Variants in OR1S2 observed in about 807,000 individuals in gnomAD.
OR1S2 encodes olfactory receptor family 1 subfamily S member 2, also known as olfactory receptor 1S2.
A neutral mutation model predicts 1.7 loss-of-function variants in OR1S2; 1 was observed. That is an observed-to-expected ratio of 0.59 (90% CI 0.21 to 2.81). The LOEUF (loss-of-function observed/expected upper bound fraction) is 2.81, where lower values mean the gene tolerates loss of function less well. Among genes scored for constraint, OR1S2 ranks in the 30% most tolerant of loss-of-function variants. OR1S2 has a pLI of 0.22. For synonymous variants in OR1S2, 157 were observed against 145.3 expected (o/e 1.08, Z -0.58); for missense variants, 391 against 371.6 (o/e 1.05, Z -0.43).
At chr11:58,203,204 T>G (rs749208195) in exon 1 of OR1S2, 3 of 1,596,840 alleles carry the variant, frequency 1.9e-6, no homozygotes, top group Middle Eastern at 1.7e-4. Flanking sequence ...GTCCAGGGCA[T>G]CAAAGGGAAG....
chr11:58,203,799 A>C lies in OR1S2; in HGVS notation c.344T>G (p.Leu115Trp), dbSNP rs140011985. 226 of 1,614,156 alleles carry C rather than the reference A, an allele frequency of 1.4e-4. 1 individual carries two copies. In the East Asian group the frequency reaches 1.8e-3, roughly 13 times the overall value. Residue 115 changes from leucine to tryptophan, a missense_variant, in exon 1 of 1, where the codon TTG (leucine) becomes TGG (tryptophan). Physicochemically the swap from Leu to Trp is moderately conservative, Grantham distance 61. Transcript: ENST00000641683. ...AAAGTGGTCGAAGGCCATGGTCCCC[A>C]AAAGCAAATTGTCAGTGACGACAAA... is the stretch of plus-strand genomic sequence containing the variant.
chr11:58,204,023 A>C, exon 1 of OR1S2: 6 of 1,614,062 alleles, frequency 3.7e-6, no homozygotes, highest in Non-Finnish European at 5.1e-6. Context: ...GCCCGTTCCC[A>C]ACCACAGTGA....
exon 1 of OR1S2, chr11:58,204,001 C>T (rs202027921): frequency 6.2e-7 from 1 of 1,613,970 alleles, no homozygotes; most frequent in Non-Finnish European, 8.5e-7. Context: ...AAGCTGATAG[C>T]CACAATGATG....
At chr11:58,203,596 G>A (rs781554088) in exon 1 of OR1S2, 1 of 1,614,148 alleles carries the variant, frequency 6.2e-7, no homozygotes, top group South Asian at 1.1e-5. Flanking sequence ...TTGAGCAGAG[G>A]GGCCAAGTCA....
exon 1 of OR1S2, chr11:58,203,777 G>C (rs1277561254): frequency 6.2e-6 from 10 of 1,613,992 alleles, no homozygotes; most frequent in African/African-American, 1.3e-5. Context: ...TCGCCACAAA[G>C]TGGTCGAAGG....
rs531556444 is a variant in OR1S2 at position 58,203,464 on chromosome 11, C to T, written c.679G>A (p.Gly227Arg). The T allele has an allele frequency of 4.1e-5, 66 of 1,613,404 alleles. No individual in the cohort carries two copies. The African/African-American group carries it at 5.3e-4, about 13-fold the overall frequency. ...CACTTTCCCTGTGTGGATGATACTC[C>T]CAGGACAGCTCTGATGATGCAGACA... is the stretch of plus-strand genomic sequence containing the variant. The change falls in exon 1 of 1, where the codon GGA becomes AGA. Residue 227 changes from glycine to arginine, a missense_variant. Gly to Arg is a moderately radical substitution (Grantham distance 125). Coordinates refer to ENST00000641683, the Ensembl canonical transcript of OR1S2.
chr11:58,203,486 G>A (rs111480861), exon 1 of OR1S2: 1 of 1,614,016 alleles, frequency 6.2e-7, no homozygotes, highest in Non-Finnish European at 8.5e-7. Flanking sequence ...TGATGATGCA[G>A]ACATAGGAGA....
chr11:58,203,372 G>T (rs567196604), exon 1 of OR1S2: 7 of 1,613,960 alleles, frequency 4.3e-6, no homozygotes, highest in Admixed American at 1.7e-5. Context: ...AAAAGTACAC[G>T]CCTACAGTGG....
Position 58,203,753 on chromosome 11 carries a change from C to A in OR1S2, c.390G>T (p.Leu130=), listed in dbSNP as rs201294104. ...TGGCCCGCATGAAAGTTGTATAGTT[C>A]AGAGGGTGGCAGATCGCCACAAAGT... The change falls in exon 1 of 1, where the codon CTG becomes CTT. Residue 130 remains leucine (L), a synonymous_variant. Coordinates refer to ENST00000641683, the Ensembl canonical transcript of OR1S2. 5.8e-5 allele frequency: 93 copies of A among 1,614,032 alleles called. No individual in the cohort carries two copies. In the South Asian group the frequency reaches 7.8e-4, roughly 14 times the overall value.
chr11:58,203,711 G>T (rs150660029), exon 1 of OR1S2: 426 of 1,614,100 alleles, frequency 2.6e-4, no homozygotes, highest in Non-Finnish European at 3.3e-4. Context: ...AGATGACTGT[G>T]AGCAAAGTGC....
exon 1 of OR1S2, chr11:58,203,335 T>A (rs144640978): frequency 1.9e-4 from 299 of 1,614,056 alleles, no homozygotes; most frequent in Admixed American, 4.8e-4. Context: ...ATCTTATCAG[T>A]GTCCTCAGGG....
chr11:58,203,730 G>C, exon 1 of OR1S2: 1 of 1,614,036 alleles, frequency 6.2e-7, no homozygotes, highest in Non-Finnish European at 8.5e-7. Flanking sequence ...GCCGAACCTG[G>C]CCCGCATGAA....
exon 1 of OR1S2, chr11:58,203,925 G>T: frequency 6.2e-7 from 1 of 1,614,128 alleles, no homozygotes; most frequent in Non-Finnish European, 8.5e-7. Flanking sequence ...GTTGGAAATG[G>T]AGGAAATATC....
chr11:58,203,438 C>G lies in OR1S2; in HGVS notation c.705G>C (p.Trp235Cys), dbSNP rs751287792. The change falls in exon 1 of 1, where the codon TGG (tryptophan) becomes TGC (cysteine). Residue 235 changes from tryptophan (W) to cysteine (C), a missense_variant. Trp to Cys is a radical substitution (Grantham distance 215, BLOSUM62 -2). Transcript: ENST00000641683. ...GAGAGCCACAAGTGGAGAAGGCTTTCCACTTTCCCTGTGTGGATGATACTC... is the reference window on the plus strand; with the variant it reads ...GAGAGCCACAAGTGGAGAAGGCTTTGCACTTTCCCTGTGTGGATGATACTC... 3 of 1,613,978 alleles carry G rather than the reference C, an allele frequency of 1.9e-6. No individual in the cohort carries two copies. The East Asian group carries it at 6.7e-5, about 36-fold the overall frequency.
chr11:58,203,819 G>A lies in OR1S2; in HGVS notation c.324C>T (p.Val108=), dbSNP rs201099062. 6.8e-6 allele frequency: 11 copies of A among 1,614,052 alleles called. No homozygotes were observed. The East Asian group carries it at 1.3e-4, about 20-fold the overall frequency. ...TCCCCAAAAGCAAATTGTCAGTGAC[G>A]ACAAACACAATAGAAAAGTACATCT... Residue 108 remains valine (V), a synonymous_variant, in exon 1 of 1, where the codon GTC becomes GTT. Coordinates refer to ENST00000641683, the Ensembl canonical transcript of OR1S2.
chr11:58,203,286 T>C, exon 1 of OR1S2: 11 of 1,614,014 alleles, frequency 6.8e-6, no homozygotes, highest in Non-Finnish European at 9.3e-6. Flanking sequence ...GATGAAGGGG[T>C]TCATCATGGG....
exon 1 of OR1S2, chr11:58,203,233 G>T: frequency 1.2e-6 from 2 of 1,611,384 alleles, no homozygotes; most frequent in Non-Finnish European, 1.7e-6. Flanking sequence ...CTATTGATGA[G>T]CTTTCTCAGG....
At chr11:58,203,883 G>A (rs745496313) in exon 1 of OR1S2, 1 of 1,614,140 alleles carries the variant, frequency 6.2e-7, no homozygotes, top group Admixed American at 1.7e-5. Flanking sequence ...TTGGCTGTTG[G>A]TTTGAATATT....
chr11:58,203,242 G>C (rs1470126094), exon 1 of OR1S2: 2 of 1,612,492 alleles, frequency 1.2e-6, no homozygotes, highest in Non-Finnish European at 1.7e-6. Context: ...AGCTTTCTCA[G>C]GGCACCTTTC....
Sources: gnomAD v4.1 joint callset for allele counts on GRCh38, gnomAD v4.1.1 for gene constraint, MANE v1.5 for transcripts, NCBI Gene and HGNC (gene_info 2026-07-23, HGNC 2026-07-21) for gene names.